JPH1: variants seen among roughly 807,000 people sequenced by gnomAD.
The protein encoded by JPH1 is junctophilin-1.
JPH1 carries 12 observed loss-of-function variants against 53.6 expected under a neutral mutation model. The observed-to-expected ratio is 0.22, with a 90% CI of 0.14 to 0.36. The LOEUF (loss-of-function observed/expected upper bound fraction) is 0.36. Among genes scored for constraint, JPH1 ranks in the 10% least tolerant of loss-of-function variants. The probability of loss-of-function intolerance (pLI) is 1.00; values close to 1 mark genes in which losing one functional copy is unlikely to be tolerated. For missense variants in JPH1, 808 were observed against 905.5 expected (o/e 0.89, Z 1.38); for synonymous variants, 375 against 363.8 (o/e 1.03, Z -0.35).
At chr8:74,284,556 G>C (rs184889854) in intron 2 of JPH1, among the ~76,000 whole-genome samples, 81 of 152,120 alleles carry the variant, frequency 5.3e-4, no homozygotes, top group African/African-American at 1.9e-3. Context: ...TAAAAAAAGC[G>C]TCTCCATTAT....
intron 2 of JPH1, among the ~76,000 whole-genome samples, chr8:74,261,495 G>A (rs1240525237): frequency 2.6e-5 from 4 of 152,118 alleles, no homozygotes; most frequent in African/African-American, 9.7e-5. Context: ...TAGATTATTT[G>A]TGTATGGGGT....
In JPH1 at chr8:74,236,430, C is replaced by T. The variant is rs182518159; in HGVS notation, c.*621G>A. ...ATGAACAGAGTCGTGCACAAGCAAACGAAACGTTCTCTCCCAGAACATTCC... is the reference window on the plus strand; with the variant it reads ...ATGAACAGAGTCGTGCACAAGCAAATGAAACGTTCTCTCCCAGAACATTCC... On this transcript the variant is annotated 3_prime_UTR_variant, in exon 6 of 6. Coordinates refer to ENST00000342232, the MANE Select transcript of JPH1 (RefSeq NM_020647.4). 9.2e-5 allele frequency: 14 copies of T among 152,578 alleles called. No individual in the cohort carries two copies. Among genetic ancestry groups the T allele is most frequent in the South Asian group, 6.2e-4 (3 of 4,822 alleles). The allele number at this position is 152,578 out of a possible 1,614,324, so 9.5% of individuals were successfully genotyped here. A position where few individuals can be genotyped will look rare whatever the true frequency, so the allele number is the denominator to read the frequency against.
intron 3 of JPH1, among the ~76,000 whole-genome samples, chr8:74,255,977 G>A (rs1806212161): frequency 1.3e-5 from 2 of 152,084 alleles, no homozygotes; most frequent in Non-Finnish European, 2.9e-5. Context: ...TGTGGAAGTG[G>A]GTGTGGCGAT....
intron 3 of JPH1, among the ~76,000 whole-genome samples, chr8:74,245,413 A>G (rs1805829220): frequency 6.6e-6 from 1 of 152,200 alleles, no homozygotes; most frequent in Non-Finnish European, 1.5e-5. Context: ...CTACTTGCAG[A>G]ATACAGAGGC....
chr8:74,272,522 C>CA (rs2131407913), intron 2 of JPH1, among the ~76,000 whole-genome samples: 1 of 150,296 alleles, frequency 6.7e-6, no homozygotes, highest in South Asian at 2.1e-4. Context: ...AACAACGGCT[C>CA]AAAGCATGAT....
chr8:74,265,850 A>G (rs1262055910), intron 2 of JPH1, among the ~76,000 whole-genome samples: 2 of 152,184 alleles, frequency 1.3e-5, no homozygotes, highest in Non-Finnish European at 2.9e-5. Flanking sequence ...ATGTCCAATA[A>G]GCACTTAAAA....
chr8:74,311,568 A>C (rs1054117138), intron 2 of JPH1, among the ~76,000 whole-genome samples: 2 of 152,176 alleles, frequency 1.3e-5, no homozygotes, highest in East Asian at 1.9e-4. Flanking sequence ...TATGTACACA[A>C]TGTGCAGGTT....
At chr8:74,247,796 A>G (rs1805901414) in intron 3 of JPH1, among the ~76,000 whole-genome samples, 1 of 152,202 alleles carries the variant, frequency 6.6e-6, no homozygotes, top group South Asian at 2.1e-4. Flanking sequence ...TAGGTTAATT[A>G]GCTTGATTTA....
intron 1 of JPH1, among the ~76,000 whole-genome samples, chr8:74,319,513 A>G (rs1441783062): frequency 6.6e-6 from 1 of 152,200 alleles, no homozygotes; most frequent in Non-Finnish European, 1.5e-5. Flanking sequence ...AAACTATTAG[A>G]GAACGTTTTT....
At position 74,244,652 on chromosome 8, in the gene JPH1, A is replaced by G. The variant is rs748347550; in HGVS notation, c.1782T>C (p.Ser594=). The G allele has an allele frequency of 2.4e-5, 38 of 1,614,078 alleles. No homozygotes were observed. The highest frequency in any genetic ancestry group is 3.1e-5 in the Non-Finnish European group (36 of 1,180,062). ...TTTCTTTGGCAACTGGTTTTGTCAC[A>G]GATTTGGAGGGACTCCACTTGTTAG... ...PSANKWSPSK[S]VTKPVAKESK... Residue 594 remains serine (S), a synonymous_variant, in exon 4 of 6, where the codon TCT becomes TCC. Transcript: ENST00000342232.
intron 2 of JPH1, among the ~76,000 whole-genome samples, chr8:74,313,297 G>A (rs915310837): frequency 3.3e-5 from 5 of 152,086 alleles, no homozygotes; most frequent in African/African-American, 1.2e-4. Flanking sequence ...TGATCTATAA[G>A]CAAACTGAAA....
intron 1 of JPH1, among the ~76,000 whole-genome samples, chr8:74,318,261 C>A (rs1808217994): frequency 6.6e-6 from 1 of 152,078 alleles, no homozygotes. Context: ...AAACTGTGTT[C>A]ATTTGGGAGC....
In JPH1 at chr8:74,248,758, T is replaced by C. The variant is rs112071423; in HGVS notation, c.1259-3583A>G. On this transcript the variant is annotated intron_variant, in intron 3 of 5. Transcript: ENST00000342232. ...GAAGTTTTTCCTGGACTATTTTCTC[T>C]TGGAAGGCACATGTTGTGCCTGCTA... Among the ~76,000 whole-genome samples, 417 of 152,358 alleles carry C rather than the reference T, an allele frequency of 2.7e-3. 1 individual carries two copies. The highest frequency in any genetic ancestry group is 3.9e-3 in the Non-Finnish European group (267 of 68,028).
At position 74,315,748 on chromosome 8, in the gene JPH1, G is replaced by A; in HGVS notation, c.380-128C>T. 1.1e-6 allele frequency: 1 copy of A among 887,698 alleles called. No homozygotes were observed. The highest frequency in any genetic ancestry group is 1.6e-6 in the Non-Finnish European group (1 of 621,138). 55.0% of individuals were successfully genotyped at this position (887,698 alleles called of 1,614,324 possible). On this transcript the variant is annotated intron_variant, in intron 1 of 5. Transcript: ENST00000342232. This position sits in a 1 kb window ranked among gnomAD's most constrained non-coding sequence, Gnocchi z 6.3. Reference sequence around the variant, plus strand: ...GACCCATTTCCAAGTCAACCCTGGGGGATACTTTGCATCCACTTGTGAATC... The same window carrying A: ...GACCCATTTCCAAGTCAACCCTGGGAGATACTTTGCATCCACTTGTGAATC...
chr8:74,290,188 G>C (rs1807282668), intron 2 of JPH1, among the ~76,000 whole-genome samples: 1 of 152,146 alleles, frequency 6.6e-6, no homozygotes, highest in Non-Finnish European at 1.5e-5. Flanking sequence ...AAAAGAGGAA[G>C]TCAAATTATC....
chr8:74,302,529 T>C (rs1444385598), intron 2 of JPH1, among the ~76,000 whole-genome samples: 1 of 152,254 alleles, frequency 6.6e-6, no homozygotes, highest in African/African-American at 2.4e-5. Flanking sequence ...AATTACTTAT[T>C]GGAAGAGACA....
At chr8:74,246,669 A>G (rs1805871553) in intron 3 of JPH1, among the ~76,000 whole-genome samples, 1 of 152,216 alleles carries the variant, frequency 6.6e-6, no homozygotes, top group Non-Finnish European at 1.5e-5. Flanking sequence ...AATATTTTAA[A>G]GCCAGAGACA....
chr8:74,266,897 A>C (rs1806548715), intron 2 of JPH1, among the ~76,000 whole-genome samples: 1 of 152,208 alleles, frequency 6.6e-6, no homozygotes, highest in African/African-American at 2.4e-5. Flanking sequence ...GGGCATTTTA[A>C]GGAAAGAGGT....
At position 74,272,012 on chromosome 8, in the gene JPH1, C is replaced by T. The variant is rs140076384; in HGVS notation, c.1140-12509G>A. On this transcript the variant is annotated intron_variant, in intron 2 of 5. Coordinates refer to ENST00000342232, the MANE Select transcript of JPH1 (RefSeq NM_020647.4). Reference sequence around the variant, plus strand: ...GGCAACTGCACAGAAACTCGAGGGGCGGTTACTCACTGCTTGCAGCTATGC... The same window carrying T: ...GGCAACTGCACAGAAACTCGAGGGGTGGTTACTCACTGCTTGCAGCTATGC... 4.8e-3 allele frequency among the ~76,000 whole-genome samples: 727 copies of T among 152,334 alleles called. 5 individuals are homozygous for T. The highest frequency in any genetic ancestry group is 0.017 in the African/African-American group (694 of 41,572).
Sources: gnomAD v4.1 joint callset for allele counts (sites outside exome capture counted in the v4.1 genomes callset) on GRCh38, gnomAD v4.1.1 for gene constraint, Gnocchi (gnomAD v3.1) non-coding constraint, MANE v1.5 for transcripts, NCBI Gene and HGNC (gene_info 2026-07-23, HGNC 2026-07-21) for gene names.